The following MAGI2 variants were observed in gnomAD, a reference collection of about 807,000 sequenced individuals.
MAGI2 encodes membrane associated guanylate kinase, WW and PDZ domain containing 2.
Under a neutral mutation model 133.3 loss-of-function variants are expected in MAGI2, and 35 were observed. The observed-to-expected ratio is 0.26, with a 90% confidence interval of 0.20 to 0.35. The LOEUF (loss-of-function observed/expected upper bound fraction) is 0.35. MAGI2 is among the 10% of genes least tolerant of loss of function. The probability of loss-of-function intolerance (pLI) is 1.00; values close to 1 mark genes in which losing one functional copy is unlikely to be tolerated. For missense variants in MAGI2, 1,636 were observed against 1,863.4 expected (o/e 0.88, Z 2.25); for synonymous variants, 729 against 710.6 (o/e 1.03, Z -0.41).
intron 1 of MAGI2, among the ~76,000 whole-genome samples, chr7:79,214,243 C>T (rs977627879): frequency 2.0e-5 from 3 of 150,738 alleles, no homozygotes; most frequent in African/African-American, 7.3e-5. Context: ...TTTGATACTT[C>T]CTTTTATTAC....
intron 2 of MAGI2, among the ~76,000 whole-genome samples, chr7:78,855,580 G>T (rs1277247671): frequency 2.6e-5 from 4 of 152,186 alleles, no homozygotes; most frequent in Non-Finnish European, 5.9e-5. Context: ...CAAAGGACAT[G>T]AACTCATCTG....
Position 78,052,380 on chromosome 7 carries a change from G to C in MAGI2, c.3706+26567C>G, listed in dbSNP as rs562075468. ...TCTTTCTTGCTTCCTCTCTCACCAC[G>C]TGACTGCTGCACAGTTTCTCTACAC... On this transcript the variant is annotated intron_variant, in intron 21 of 21. Coordinates refer to ENST00000354212, the MANE Select transcript of MAGI2 (RefSeq NM_012301.4). Among the ~76,000 whole-genome samples, 8 of 152,242 alleles carry C rather than the reference G, an allele frequency of 5.3e-5. No homozygotes were observed. The East Asian group carries it at 1.5e-3, about 29-fold the overall frequency.
chr7:78,522,525 G>A (rs1183287320), intron 3 of MAGI2, among the ~76,000 whole-genome samples: 2 of 152,008 alleles, frequency 1.3e-5, no homozygotes, highest in Non-Finnish European at 2.9e-5. Context: ...GACTACAGGC[G>A]TGCGCCACCA....
intron 3 of MAGI2, among the ~76,000 whole-genome samples, chr7:78,532,555 A>C (rs536458958): frequency 6.6e-6 from 1 of 152,204 alleles, no homozygotes; most frequent in African/African-American, 2.4e-5. Flanking sequence ...TATATAAAGC[A>C]CTTCGACTTT....
At chr7:78,220,758 A>G (rs572822623) in intron 10 of MAGI2, among the ~76,000 whole-genome samples, 1 of 152,332 alleles carries the variant, frequency 6.6e-6, no homozygotes, top group East Asian at 1.9e-4. Flanking sequence ...GTGGAAGCGG[A>G]GCAATTTAAT....
chr7:79,337,681 A>G (rs1840540412), intron 1 of MAGI2, among the ~76,000 whole-genome samples: 3 of 152,008 alleles, frequency 2.0e-5, no homozygotes, highest in Non-Finnish European at 4.4e-5. Flanking sequence ...AATAGTGAGA[A>G]TCTGCTGGAA....
At chr7:79,249,638 A>G (rs148099130) in intron 1 of MAGI2, among the ~76,000 whole-genome samples, 1 of 152,148 alleles carries the variant, frequency 6.6e-6, no homozygotes, top group Non-Finnish European at 1.5e-5. Flanking sequence ...ACAAGTAACA[A>G]GATTGAAGCT....
rs564929133 is a variant in MAGI2, at chr7:79,445,432, T to C, written c.301+7588A>G. Reference sequence around the variant, plus strand: ...GTCTATCCATCTGACAAAGGGCTAATATCCAGAATCTACAGTGAACTCAAA... The same window carrying C: ...GTCTATCCATCTGACAAAGGGCTAACATCCAGAATCTACAGTGAACTCAAA... On this transcript the variant is annotated intron_variant, in intron 1 of 21. Coordinates refer to ENST00000354212, the MANE Select transcript of MAGI2 (RefSeq NM_012301.4). Among the ~76,000 whole-genome samples, 328 of 152,246 alleles carry C rather than the reference T, an allele frequency of 2.2e-3. 3 individuals carry two copies. Among genetic ancestry groups the C allele is most frequent in the African/African-American group, 7.2e-3 (300 of 41,544 alleles).
At chr7:78,608,525 T>C (rs1317638837) in intron 3 of MAGI2, among the ~76,000 whole-genome samples, 2 of 152,072 alleles carry the variant, frequency 1.3e-5, no homozygotes, top group South Asian at 2.1e-4. Context: ...TGTCTGTGCA[T>C]GTAGCTTAGA....
chr7:78,196,121 G>A (rs1828709267), intron 11 of MAGI2, among the ~76,000 whole-genome samples: 1 of 152,086 alleles, frequency 6.6e-6, no homozygotes, highest in South Asian at 2.1e-4. Context: ...GTTCTCTTCT[G>A]CTTCTGAAAC....
chr7:78,810,017 A>C (rs565689869), intron 2 of MAGI2, among the ~76,000 whole-genome samples: 1 of 152,310 alleles, frequency 6.6e-6, no homozygotes, highest in Non-Finnish European at 1.5e-5. Context: ...AAAAAAATAT[A>C]ATTATGTAGG....
At chr7:78,033,562 CAGTT>C (rs1184446227) in intron 21 of MAGI2, among the ~76,000 whole-genome samples, 2 of 151,772 alleles carry the variant, frequency 1.3e-5, no homozygotes, top group Non-Finnish European at 2.9e-5. Context: ...GAACAAGACA[CAGTT>C]AGTGCCTTCA....
intron 1 of MAGI2, among the ~76,000 whole-genome samples, chr7:79,405,616 T>G (rs1026917044): frequency 6.6e-6 from 1 of 152,126 alleles, no homozygotes; most frequent in African/African-American, 2.4e-5. Context: ...CTTGTTATAT[T>G]TGTAGAGAGA....
At chr7:78,769,710 C>T (rs1325315932) in intron 2 of MAGI2, among the ~76,000 whole-genome samples, 2 of 152,200 alleles carry the variant, frequency 1.3e-5, no homozygotes, top group Non-Finnish European at 2.9e-5. Flanking sequence ...TGCTAGTGCA[C>T]TGCCAGAGCG....
At chr7:79,112,854 A>T (rs1819043155) in intron 1 of MAGI2, among the ~76,000 whole-genome samples, 1 of 151,810 alleles carries the variant, frequency 6.6e-6, no homozygotes, top group Admixed American at 6.5e-5. Flanking sequence ...CATGACCTTT[A>T]CATTTTTTTG....
chr7:78,396,549 T>C (rs1796363809), intron 6 of MAGI2, among the ~76,000 whole-genome samples: 1 of 152,226 alleles, frequency 6.6e-6, no homozygotes, highest in Admixed American at 6.5e-5. Context: ...CACCATGCTA[T>C]CTGAAATAGC....
At chr7:78,181,608 G>A (rs565928508) in intron 13 of MAGI2, among the ~76,000 whole-genome samples, 118 of 152,184 alleles carry the variant, frequency 7.8e-4, no homozygotes, top group Middle Eastern at 3.4e-3. Context: ...TTGGGTCCTC[G>A]GATCCTCAGG....
At chr7:78,219,380 C>A (rs1250722961) in intron 10 of MAGI2, among the ~76,000 whole-genome samples, 1 of 152,194 alleles carries the variant, frequency 6.6e-6, no homozygotes, top group Non-Finnish European at 1.5e-5. Context: ...CACTGTCTAT[C>A]TGGACAGCTT....
chr7:78,675,337 A>G (rs1212094073), intron 2 of MAGI2, among the ~76,000 whole-genome samples: 1 of 151,992 alleles, frequency 6.6e-6, no homozygotes, highest in Non-Finnish European at 1.5e-5. Flanking sequence ...AGAAGGTAAG[A>G]AAGTTAATGA....
Sources: allele counts gnomAD v4.1 joint callset (sites outside exome capture counted in the v4.1 genomes callset), GRCh38; gene constraint gnomAD v4.1.1; transcripts MANE v1.5; gene names NCBI Gene and HGNC (gene_info 2026-07-23, HGNC 2026-07-21).